Variants in RAP1GDS1 observed in about 807,000 individuals in gnomAD.
RAP1GDS1 encodes the protein RAP1, GTP-GDP dissociation stimulator 1.
In RAP1GDS1, 35 loss-of-function variants were observed where a neutral mutation model predicts 71.1. The observed-to-expected ratio is 0.49, with a 90% confidence interval of 0.38 to 0.65. The LOEUF (loss-of-function observed/expected upper bound fraction) is 0.65. Among genes scored for constraint, RAP1GDS1 ranks in the 30% least tolerant of loss-of-function variants. The probability of loss-of-function intolerance (pLI) is 0.00; values close to 1 mark genes in which losing one functional copy is unlikely to be tolerated. For missense variants in RAP1GDS1, 663 were observed against 706.1 expected (o/e 0.94, Z 0.69); for synonymous variants, 229 against 243.1 (o/e 0.94, Z 0.54).
At chr4:98,328,491 A>T (rs1733475591) in intron 2 of RAP1GDS1, among the ~76,000 whole-genome samples, 1 of 152,228 alleles carries the variant, frequency 6.6e-6, no homozygotes, top group South Asian at 2.1e-4. Flanking sequence ...TGATTCGTAC[A>T]TCAGGCCCAG....
intron 4 of RAP1GDS1, among the ~76,000 whole-genome samples, chr4:98,368,135 A>T (rs1187011397): frequency 2.0e-5 from 3 of 152,122 alleles, no homozygotes; most frequent in African/African-American, 7.2e-5. Context: ...TTCTCATGAT[A>T]GTAAGTCTCA....
chr4:98,275,801 T>C (rs922673692), intron 1 of RAP1GDS1, among the ~76,000 whole-genome samples: 1 of 152,162 alleles, frequency 6.6e-6, no homozygotes, highest in South Asian at 2.1e-4. Flanking sequence ...TTAATATCAT[T>C]GGGTTCCCTA....
chr4:98,263,865 G>T (rs561750803), intron 1 of RAP1GDS1, among the ~76,000 whole-genome samples: 1 of 152,274 alleles, frequency 6.6e-6, no homozygotes, highest in South Asian at 2.1e-4. Context: ...TACACTGTAG[G>T]TTGGTTTTGA....
At chr4:98,302,852 C>G (rs990020982) in intron 2 of RAP1GDS1, among the ~76,000 whole-genome samples, 5 of 152,150 alleles carry the variant, frequency 3.3e-5, no homozygotes, top group Non-Finnish European at 7.3e-5. Flanking sequence ...TGGAGACCAG[C>G]CTGGCCAATA....
chr4:98,362,647 G>GT (rs1239146176), intron 4 of RAP1GDS1, among the ~76,000 whole-genome samples: 1 of 152,102 alleles, frequency 6.6e-6, no homozygotes, highest in African/African-American at 2.4e-5. Flanking sequence ...AGAAAAATAC[G>GT]TTGCTGCTCA....
intron 1 of RAP1GDS1, among the ~76,000 whole-genome samples, chr4:98,265,902 C>T (rs1480215586): frequency 6.6e-6 from 1 of 151,904 alleles, no homozygotes; most frequent in African/African-American, 2.4e-5. Flanking sequence ...TCTAAAAAGC[C>T]ACTTTAAGAG....
rs1368702097 is a variant in RAP1GDS1, at chr4:98,350,504, C to T, written c.236-1972C>T. 4.0e-5 allele frequency among the ~76,000 whole-genome samples: 6 copies of T among 151,858 alleles called. 1 individual carries two copies. Among genetic ancestry groups the T allele is most frequent in the Admixed American group, 6.6e-5 (1 of 15,230 alleles). On this transcript the variant is annotated intron_variant, in intron 3 of 14. Transcript: ENST00000408927. ...GGAGGATCACTTGAGCCTAGAAGTT[C>T]GACACCAGCCAGGGCAGCATAGTGA...
intron 1 of RAP1GDS1, among the ~76,000 whole-genome samples, chr4:98,280,837 GT>G (rs1433795685): frequency 1.3e-5 from 2 of 152,198 alleles, no homozygotes; most frequent in Non-Finnish European, 2.9e-5. Context: ...TGGCTAGCCA[GT>G]TTTCCCAGCA....
intron 6 of RAP1GDS1, among the ~76,000 whole-genome samples, chr4:98,404,161 C>T (rs950723057): frequency 6.6e-6 from 1 of 152,062 alleles, no homozygotes; most frequent in Admixed American, 6.5e-5. Flanking sequence ...TTAATTCATC[C>T]ATATAAAATA....
intron 4 of RAP1GDS1, among the ~76,000 whole-genome samples, chr4:98,377,921 C>G (rs1741405535): frequency 6.6e-6 from 1 of 151,672 alleles, no homozygotes; most frequent in Admixed American, 6.6e-5. Flanking sequence ...TGAGATGTAA[C>G]TGTAAGGGTA....
intron 2 of RAP1GDS1, among the ~76,000 whole-genome samples, chr4:98,299,872 G>C (rs1027040491): frequency 6.6e-6 from 1 of 151,902 alleles, no homozygotes; most frequent in African/African-American, 2.4e-5. Context: ...ACCTGCCCCT[G>C]CCTCCCAAAG....
chr4:98,394,157 T>A (rs1216086269), intron 6 of RAP1GDS1, among the ~76,000 whole-genome samples: 1 of 152,148 alleles, frequency 6.6e-6, no homozygotes, highest in African/African-American at 2.4e-5. Context: ...AATAAGAACT[T>A]ATATAATTGT....
intron 5 of RAP1GDS1, among the ~76,000 whole-genome samples, chr4:98,383,073 C>CGT (rs1742240365): frequency 6.6e-6 from 1 of 151,540 alleles, no homozygotes; most frequent in African/African-American, 2.4e-5. Context: ...ACCAGAACAC[C>CGT]ACCTTGTTGA....
chr4:98,441,353 G>C, intron 14 of RAP1GDS1: 1 of 984,672 alleles, frequency 1.0e-6, no homozygotes, highest in South Asian at 4.7e-5. Context: ...GAAAGAAGAG[G>C]ACAAAAAATC....
chr4:98,416,813 G>A lies in RAP1GDS1; in HGVS notation c.832G>A (p.Val278Met). Residue 278 changes from valine (V) to methionine (M), a missense_variant, in exon 8 of 15, where the codon GTG becomes ATG. Physicochemically the swap from Val to Met is conservative, Grantham distance 21. Transcript: ENST00000408927. ...ECLLEIVQQK[V>M]DSDKEDDITE... ...TCTACTAGAGATTGTTCAGCAAAAA[G>A]TGGATAGTGACAAAGAAGATGATAT... The A allele has an allele frequency of 1.2e-6, 2 of 1,613,686 alleles. No individual in the cohort carries two copies. Among genetic ancestry groups the A allele is most frequent in the Non-Finnish European group, 1.7e-6 (2 of 1,179,620 alleles).
At chr4:98,394,107 A>C (rs1024371469) in intron 6 of RAP1GDS1, among the ~76,000 whole-genome samples, 2 of 152,166 alleles carry the variant, frequency 1.3e-5, no homozygotes, top group African/African-American at 4.8e-5. Flanking sequence ...AGTCAGTACA[A>C]AGTAAGGAAA....
intron 5 of RAP1GDS1, among the ~76,000 whole-genome samples, chr4:98,383,828 G>A (rs1050555075): frequency 4.6e-5 from 7 of 151,506 alleles, no homozygotes; most frequent in African/African-American, 1.7e-4. Context: ...GTTGGCCTGA[G>A]CTGCATGTTT....
chr4:98,316,921 C>T (rs1731024962), intron 2 of RAP1GDS1, among the ~76,000 whole-genome samples: 1 of 152,052 alleles, frequency 6.6e-6, no homozygotes, highest in Admixed American at 6.5e-5. Context: ...GGGGAAATTC[C>T]AGTGTAAGGA....
At chr4:98,274,205 G>C (rs1023130381) in intron 1 of RAP1GDS1, among the ~76,000 whole-genome samples, 2 of 152,200 alleles carry the variant, frequency 1.3e-5, no homozygotes, top group South Asian at 4.1e-4. Context: ...CTATAGTAGT[G>C]GTTAAAGGCA....
Sources: allele counts gnomAD v4.1 joint callset (sites outside exome capture counted in the v4.1 genomes callset), GRCh38; gene constraint gnomAD v4.1.1; transcripts MANE v1.5; gene names NCBI Gene and HGNC (gene_info 2026-07-23, HGNC 2026-07-21).